Variants in KIRREL3 observed in about 807,000 individuals in gnomAD.
KIRREL3 encodes the protein kin of IRRE-like protein 3.
KIRREL3 carries 36 observed loss-of-function variants against 89.7 expected under a neutral mutation model. The observed-to-expected ratio is 0.40, with a 90% confidence interval of 0.31 to 0.53. The LOEUF is 0.53. KIRREL3 is among the 20% of genes least tolerant of loss of function. KIRREL3 has a pLI of 0.49. For synonymous variants in KIRREL3, 445 were observed against 441.4 expected (o/e 1.01, Z -0.10); for missense variants, 864 against 1,056.6 (o/e 0.82, Z 2.53).
chr11:126,820,020 A>C (rs1196178481), intron 1 of KIRREL3, among the ~76,000 whole-genome samples: 1 of 152,232 alleles, frequency 6.6e-6, no homozygotes, highest in Non-Finnish European at 1.5e-5. Flanking sequence ...TGCTTTCAAC[A>C]ACTTTCATTC....
chr11:126,899,108 G>T (rs1946274435), intron 1 of KIRREL3, among the ~76,000 whole-genome samples: 1 of 152,002 alleles, frequency 6.6e-6, no homozygotes, highest in Admixed American at 6.6e-5. Context: ...CAAACTAACT[G>T]ACTCACAAGG....
At position 126,724,039 on chromosome 11, in the gene KIRREL3, G is replaced by A. The variant is rs1408499552; in HGVS notation, c.56-161127C>T. ...GGCCACACATGAAAAGAGAAATGCT[G>A]AGGCTGTTCCATTTGAGCCTTTTTG... On this transcript the variant is annotated intron_variant, in intron 1 of 16. Coordinates refer to ENST00000525144, the MANE Select transcript of KIRREL3 (RefSeq NM_032531.4). This position sits in a 1 kb window ranked among gnomAD's most constrained non-coding sequence, Gnocchi z 4.3. Among the ~76,000 whole-genome samples the A allele has an allele frequency of 1.3e-5, 2 of 152,192 alleles. No homozygotes were observed. The highest frequency in any genetic ancestry group is 4.8e-5 in the African/African-American group (2 of 41,452).
chr11:126,818,424 GC>G (rs1293450410), intron 1 of KIRREL3, among the ~76,000 whole-genome samples: 2 of 152,120 alleles, frequency 1.3e-5, no homozygotes, highest in Non-Finnish European at 2.9e-5. Context: ...TAGTTGTGTG[GC>G]TTTAGGCACC....
rs1948952473 is a variant in KIRREL3 at position 126,740,694 on chromosome 11, G to T, written c.56-177782C>A. ...GGGGCTCTAGTAGGGTGTCTTGATG[G>T]GGCACAGGGGATGGGGCTAGGGACA... On this transcript the variant is annotated intron_variant, in intron 1 of 16. Coordinates refer to ENST00000525144, the MANE Select transcript of KIRREL3 (RefSeq NM_032531.4). The surrounding 1 kb of genome is among the most constrained non-coding windows in gnomAD (Gnocchi z 6.0). Among the ~76,000 whole-genome samples, 1 of 152,124 alleles carries T rather than the reference G, an allele frequency of 6.6e-6. No homozygotes were observed. The highest frequency in any genetic ancestry group is 1.5e-5 in the Non-Finnish European group (1 of 68,016).
At chr11:126,801,304 C>A (rs1951025323) in intron 1 of KIRREL3, among the ~76,000 whole-genome samples, 2 of 152,118 alleles carry the variant, frequency 1.3e-5, no homozygotes, top group South Asian at 4.1e-4. Flanking sequence ...CATTTTTCAT[C>A]AATTCATTTA....
rs531837469 is a variant in KIRREL3, at chr11:126,997,365, C to T, written c.55+3090G>A. Reference sequence around the variant, plus strand: ...TGACAGCTGAGGGAAGAGGCATCCACGGCAAGGGAGAAGCCCACAAGCAGT... The same window carrying T: ...TGACAGCTGAGGGAAGAGGCATCCATGGCAAGGGAGAAGCCCACAAGCAGT... On this transcript the variant is annotated intron_variant, in intron 1 of 16. Coordinates refer to ENST00000525144, the MANE Select transcript of KIRREL3 (RefSeq NM_032531.4). This position sits in a 1 kb window ranked among gnomAD's most constrained non-coding sequence, Gnocchi z 4.3. Among the ~76,000 whole-genome samples, 72 of 152,262 alleles carry T rather than the reference C, an allele frequency of 4.7e-4. 1 individual carries two copies. The South Asian group carries it at 0.012, about 26-fold the overall frequency.
chr11:126,652,577 A>G lies in KIRREL3; in HGVS notation c.56-89665T>C, dbSNP rs1591882576. ...GGCCATTTGCCAAAGTCCTCCACTC[A>G]ATCTATAGGTAGCGGGGCTGGGTTC... On this transcript the variant is annotated intron_variant, in intron 1 of 16. Transcript: ENST00000525144. The surrounding 1 kb of genome is among the most constrained non-coding windows in gnomAD (Gnocchi z 4.9). 6.6e-6 allele frequency among the ~76,000 whole-genome samples: 1 copy of G among 152,096 alleles called. No individual in the cohort carries two copies. Among genetic ancestry groups the G allele is most frequent in the East Asian group, 1.9e-4 (1 of 5,188 alleles).
At chr11:126,706,331 C>T (rs1440606389) in intron 1 of KIRREL3, among the ~76,000 whole-genome samples, 1 of 152,140 alleles carries the variant, frequency 6.6e-6, no homozygotes, top group Non-Finnish European at 1.5e-5. Context: ...TAATACCACA[C>T]TTAATAGGTA....
In KIRREL3 at chr11:126,520,029, C is replaced by T. The variant is rs931694035; in HGVS notation, c.433+1286G>A. On this transcript the variant is annotated intron_variant, in intron 4 of 16. Transcript: ENST00000525144. The surrounding 1 kb of genome is among the most constrained non-coding windows in gnomAD (Gnocchi z 4.9). ...TTGCAGGAGGTTTCTGAGGCTGGCC[C>T]CAAGTCCCTCCCCCGCATCTCAAGA... Among the ~76,000 whole-genome samples, 7 of 152,272 alleles carry T rather than the reference C, an allele frequency of 4.6e-5. No homozygotes were observed. The highest frequency in any genetic ancestry group is 3.4e-3 in the Middle Eastern group (1 of 294).
chr11:126,472,703 G>GGAGAGAGAGAGAGAGAGAGAGA (rs56276959), intron 5 of KIRREL3, among the ~76,000 whole-genome samples: 1,356 of 134,014 alleles, frequency 0.01, 29 homozygotes, highest in Admixed American at 0.027. Context: ...AGGACATAGA[G>GGAGAGAGAGAGAGAGAGAGAGA]GAGAGAGAGA....
chr11:126,539,303 A>G (rs1361703816), intron 2 of KIRREL3, among the ~76,000 whole-genome samples: 2 of 152,158 alleles, frequency 1.3e-5, no homozygotes, highest in South Asian at 4.1e-4. Flanking sequence ...CTCTCTTAGT[A>G]CAGCGCAAAT....
At position 126,896,600 on chromosome 11, in the gene KIRREL3, G is replaced by A. The variant is rs1946167485; in HGVS notation, c.55+103855C>T. ...CTAGAAAGCTGTGTAGAGAACGTGG[G>A]GCCTGTCCATGGGCTTCAGTGCCCA... On this transcript the variant is annotated intron_variant, in intron 1 of 16. Coordinates refer to ENST00000525144, the MANE Select transcript of KIRREL3 (RefSeq NM_032531.4). The surrounding 1 kb of genome is among the most constrained non-coding windows in gnomAD (Gnocchi z 4.1). 6.6e-6 allele frequency among the ~76,000 whole-genome samples: 1 copy of A among 151,998 alleles called. No individual in the cohort carries two copies. The highest frequency in any genetic ancestry group is 1.5e-5 in the Non-Finnish European group (1 of 68,004).
At chr11:126,834,449 C>T (rs1024727494) in intron 1 of KIRREL3, among the ~76,000 whole-genome samples, 2 of 152,106 alleles carry the variant, frequency 1.3e-5, no homozygotes, top group Non-Finnish European at 2.9e-5. Context: ...TTTCAGAAGC[C>T]CCAAGAATCC....
rs1482720824 is a variant in KIRREL3 at position 126,527,623 on chromosome 11, C to T, written c.134-936G>A. 5.9e-5 allele frequency among the ~76,000 whole-genome samples: 9 copies of T among 152,154 alleles called. No homozygotes were observed. Among genetic ancestry groups the T allele is most frequent in the Admixed American group, 2.6e-4 (4 of 15,282 alleles). ...GTGCTTGTGAATTGCTCACCAAGTA[C>T]GGCGCATGCCCTGACTCTAGTTATC... is the stretch of plus-strand genomic sequence containing the variant. On this transcript the variant is annotated intron_variant, in intron 2 of 16. Transcript: ENST00000525144. This position sits in a 1 kb window ranked among gnomAD's most constrained non-coding sequence, Gnocchi z 4.2.
intron 1 of KIRREL3, among the ~76,000 whole-genome samples, chr11:126,949,169 A>C (rs777899130): frequency 6.6e-6 from 1 of 152,204 alleles, no homozygotes; most frequent in Non-Finnish European, 1.5e-5. Context: ...GTCTACAGGT[A>C]TGATTTCTGG....
In KIRREL3 at chr11:126,653,813, C is replaced by G. The variant is rs1383608153; in HGVS notation, c.56-90901G>C. Among the ~76,000 whole-genome samples the G allele has an allele frequency of 6.6e-6, 1 of 152,186 alleles. No individual in the cohort carries two copies. Among genetic ancestry groups the G allele is most frequent in the East Asian group, 1.9e-4 (1 of 5,188 alleles). The stretch of plus-strand genomic sequence containing the variant: ...GAGAAGGGCAGGGATGCCCCTGGCA[C>G]TTTTTTTGTCTCTGGTGCTATCAAA... On this transcript the variant is annotated intron_variant, in intron 1 of 16. Transcript: ENST00000525144. The surrounding 1 kb of genome is among the most constrained non-coding windows in gnomAD (Gnocchi z 5.4).
intron 1 of KIRREL3, among the ~76,000 whole-genome samples, chr11:126,785,041 T>C (rs1257196500): frequency 1.3e-5 from 2 of 152,276 alleles, no homozygotes; most frequent in Non-Finnish European, 1.5e-5. Flanking sequence ...AGTGTTCTTA[T>C]GGAGAAAGTG....
At chr11:126,725,934 G>A (rs7933795) in intron 1 of KIRREL3, among the ~76,000 whole-genome samples, 1 of 152,222 alleles carries the variant, frequency 6.6e-6, no homozygotes, top group Non-Finnish European at 1.5e-5. Context: ...TTTCTCTGGT[G>A]ATGTAAGTTT....
At chr11:126,961,224 G>A (rs989606195) in intron 1 of KIRREL3, among the ~76,000 whole-genome samples, 2 of 152,286 alleles carry the variant, frequency 1.3e-5, no homozygotes, top group African/African-American at 4.8e-5. Flanking sequence ...TCAAAAGCTA[G>A]AAATGACTGA....
Sources: allele counts gnomAD v4.1 joint callset (sites outside exome capture counted in the v4.1 genomes callset), GRCh38; gene constraint gnomAD v4.1.1; non-coding constraint Gnocchi (gnomAD v3.1); transcripts MANE v1.5; gene names NCBI Gene and HGNC (gene_info 2026-07-23, HGNC 2026-07-21).